The following RBFOX1 variants were observed in gnomAD, a reference collection of about 807,000 sequenced individuals.
The protein encoded by RBFOX1 is RNA binding protein fox-1 homolog 1.
RBFOX1 carries 8 observed loss-of-function variants against 57.7 expected under a neutral mutation model. That is an observed-to-expected ratio of 0.14 (90% CI 0.08 to 0.25). The LOEUF (loss-of-function observed/expected upper bound fraction) is 0.25. RBFOX1 is among the 10% of genes least tolerant of loss of function. RBFOX1 has a pLI of 1.00. For missense variants in RBFOX1, 611 were observed against 548.5 expected (o/e 1.11, Z -1.14); for synonymous variants, 326 against 222.4 (o/e 1.47, Z -4.15).
chr16:6,085,370 T>C (rs2096068576), intron 1 of RBFOX1, among the ~76,000 whole-genome samples: 1 of 152,206 alleles, frequency 6.6e-6, no homozygotes, highest in African/African-American at 2.4e-5. Context: ...CCTAGCGGGT[T>C]CAAGCGATTC....
chr16:7,356,551 G>C (rs774380821), intron 4 of RBFOX1, among the ~76,000 whole-genome samples: 1 of 152,186 alleles, frequency 6.6e-6, no homozygotes, highest in African/African-American at 2.4e-5. Context: ...GATTGAGGCA[G>C]GGCCCTGCAC....
chr16:7,473,294 C>G (rs1309254219), intron 4 of RBFOX1, among the ~76,000 whole-genome samples: 5 of 151,788 alleles, frequency 3.3e-5, no homozygotes, highest in South Asian at 4.1e-4. Context: ...ATGAGAATTG[C>G]TTGAACTCAG....
At chr16:6,780,913 G>A (rs576747380) in intron 3 of RBFOX1, among the ~76,000 whole-genome samples, 1 of 152,044 alleles carries the variant, frequency 6.6e-6, no homozygotes, top group Non-Finnish European at 1.5e-5. Flanking sequence ...CAGGTGGGTA[G>A]TTGGCAAATG....
At chr16:5,319,474 T>C (rs914235287) in intron 1 of RBFOX1, among the ~76,000 whole-genome samples, 3 of 152,184 alleles carry the variant, frequency 2.0e-5, no homozygotes, top group Non-Finnish European at 4.4e-5. Context: ...TTTTCATCCC[T>C]AGAAGATGAT....
intron 4 of RBFOX1, among the ~76,000 whole-genome samples, chr16:7,372,356 CCT>C (rs2097583254): frequency 6.6e-6 from 1 of 152,144 alleles, no homozygotes; most frequent in South Asian, 2.1e-4. Context: ...CAGACAACTG[CCT>C]AGTCTGTGCC....
At position 7,002,401 on chromosome 16, in the gene RBFOX1, A is replaced by G. The variant is rs377553077; in HGVS notation, c.-15-49656A>G. On this transcript the variant is annotated intron_variant, in intron 3 of 15. Transcript: ENST00000550418. ...AGGTTTTCTGTTTATCCAGCAAGAAAGAGATTTAAAAAAGATCTTTTCAAC... is the reference window on the plus strand; with the variant it reads ...AGGTTTTCTGTTTATCCAGCAAGAAGGAGATTTAAAAAAGATCTTTTCAAC... Among the ~76,000 whole-genome samples the G allele has an allele frequency of 3.9e-5, 6 of 152,334 alleles. No individual in the cohort carries two copies. In the East Asian group the frequency reaches 7.7e-4, roughly 20 times the overall value.
intron 3 of RBFOX1, among the ~76,000 whole-genome samples, chr16:6,838,265 G>A (rs184004016): frequency 3.5e-4 from 53 of 152,162 alleles, no homozygotes; most frequent in African/African-American, 1.3e-3. Flanking sequence ...ACTTAAGAGT[G>A]AGAAGATGTG....
intron 3 of RBFOX1, among the ~76,000 whole-genome samples, chr16:5,823,247 A>G (rs905992120): frequency 2.0e-5 from 3 of 152,170 alleles, no homozygotes; most frequent in African/African-American, 4.8e-5. Context: ...AAGTCCTTAC[A>G]CATAGTTGGT....
intron 3 of RBFOX1, among the ~76,000 whole-genome samples, chr16:5,860,374 C>G (rs954010785): frequency 2.6e-5 from 4 of 152,174 alleles, no homozygotes; most frequent in Admixed American, 2.0e-4. Context: ...CGCGCCTGGC[C>G]TACTTCACCA....
At chr16:6,288,653 AC>A (rs2077142623) in intron 1 of RBFOX1, among the ~76,000 whole-genome samples, 1 of 152,090 alleles carries the variant, frequency 6.6e-6, no homozygotes, top group African/African-American at 2.4e-5. Context: ...TGAGATTTAA[AC>A]CCAAGAACTC....
At chr16:7,409,118 C>G (rs926757522) in intron 4 of RBFOX1, among the ~76,000 whole-genome samples, 2 of 152,208 alleles carry the variant, frequency 1.3e-5, no homozygotes, top group African/African-American at 4.8e-5. Flanking sequence ...TCGCTCTAAG[C>G]CAGATCAGCA....
At chr16:6,060,807 G>A (rs2095675778) in intron 1 of RBFOX1, among the ~76,000 whole-genome samples, 1 of 152,214 alleles carries the variant, frequency 6.6e-6, no homozygotes, top group African/African-American at 2.4e-5. Flanking sequence ...AAACCAGGAA[G>A]GGAACATCTA....
intron 2 of RBFOX1, among the ~76,000 whole-genome samples, chr16:6,603,503 T>C (rs1044705163): frequency 2.0e-5 from 3 of 152,154 alleles, no homozygotes; most frequent in African/African-American, 7.2e-5. Context: ...CTCAAACACA[T>C]TGGAATGATT....
In RBFOX1 at chr16:5,920,067, G is replaced by A. The variant is rs182014878; in HGVS notation, c.351+52732G>A. Among the ~76,000 whole-genome samples the A allele has an allele frequency of 9.3e-3, 1,420 of 152,266 alleles. 27 individuals carry two copies. The highest frequency in any genetic ancestry group is 0.033 in the African/African-American group (1,363 of 41,544). The stretch of plus-strand genomic sequence containing the variant: ...TCCTGCCTCAGCCTCCCGAGTAGCG[G>A]GGACTACAGGCGCCCGCCACCACAC... On this transcript the variant is annotated intron_variant, in intron 4 of 19. Coordinates refer to the RBFOX1 transcript ENST00000641259.
At chr16:6,964,375 C>A (rs780450650) in intron 3 of RBFOX1, among the ~76,000 whole-genome samples, 1 of 152,178 alleles carries the variant, frequency 6.6e-6, no homozygotes, top group Admixed American at 6.5e-5. Flanking sequence ...AATGGTGGAT[C>A]TGTGTCGTTA....
intron 1 of RBFOX1, among the ~76,000 whole-genome samples, chr16:6,044,373 T>G (rs1459010111): frequency 6.6e-6 from 1 of 152,156 alleles, no homozygotes; most frequent in East Asian, 1.9e-4. Flanking sequence ...GTGTTCTCTC[T>G]TTGAGTTCCT....
chr16:5,449,083 C>T (rs1345264764), intron 1 of RBFOX1, among the ~76,000 whole-genome samples: 1 of 152,144 alleles, frequency 6.6e-6, no homozygotes, highest in Non-Finnish European at 1.5e-5. Context: ...ATCCTGTGTG[C>T]ATCTGGTGCA....
In RBFOX1 at chr16:7,642,527, A is replaced by G. The variant is rs180924782; in HGVS notation, c.758-11288A>G. On this transcript the variant is annotated intron_variant, in intron 11 of 15. Coordinates refer to ENST00000550418, the MANE Select transcript of RBFOX1 (RefSeq NM_018723.4). ...AGAACCTTGGGAAATCCAGCCCAGCATAAGGAAGCTAATTTATCTCACTTG... is the reference window on the plus strand; with the variant it reads ...AGAACCTTGGGAAATCCAGCCCAGCGTAAGGAAGCTAATTTATCTCACTTG... 2.9e-3 allele frequency among the ~76,000 whole-genome samples: 446 copies of G among 152,312 alleles called. 5 individuals carry two copies. The highest frequency in any genetic ancestry group is 0.01 in the African/African-American group (430 of 41,574).
intron 4 of RBFOX1, among the ~76,000 whole-genome samples, chr16:7,469,362 C>T (rs951467648): frequency 6.6e-6 from 1 of 152,046 alleles, no homozygotes; most frequent in Non-Finnish European, 1.5e-5. Flanking sequence ...GCACCTGGCC[C>T]CAGCCTGAGT....
Sources: allele counts gnomAD v4.1 joint callset (sites outside exome capture counted in the v4.1 genomes callset), GRCh38; gene constraint gnomAD v4.1.1; transcripts MANE v1.5; gene names NCBI Gene and HGNC (gene_info 2026-07-23, HGNC 2026-07-21).